BCORL1: variants seen among roughly 807,000 people sequenced by gnomAD.
BCORL1 encodes the protein BCL-6 corepressor-like protein 1.
Under a neutral mutation model 87.6 loss-of-function variants are expected in BCORL1, and 7 were observed. The ratio of observed to expected loss-of-function variants is 0.08; its 90% CI spans 0.05 to 0.15. The LOEUF (loss-of-function observed/expected upper bound fraction) is 0.15, where lower values mean the gene tolerates loss of function less well. Among genes scored for constraint, BCORL1 ranks in the 10% least tolerant of loss-of-function variants. BCORL1 has a pLI of 1.00. For synonymous variants in BCORL1, 591 were observed against 634.4 expected (o/e 0.93, Z 1.03); for missense variants, 1,215 against 1,499.7 (o/e 0.81, Z 3.13).
At chrX:130,011,775 G>A (rs957592554) in intron 2 of BCORL1, among the ~76,000 whole-genome samples, 7 of 110,372 alleles carry the variant, frequency 6.3e-5, no homozygotes, top group Non-Finnish European at 1.3e-4. Context: ...GAGGCTTTTC[G>A]GACAGGAGAG....
chrX:130,039,226 C>T lies in BCORL1; in HGVS notation c.4784C>T (p.Ser1595Leu). Residue 1595 changes from serine to leucine, a missense_variant, in exon 11 of 14, where the codon TCG (serine) becomes TTG (leucine). Physicochemically the swap from Ser to Leu is moderately radical, Grantham distance 145 (BLOSUM62 -2). Transcript: ENST00000540052. ...YGADPTLATY[S>L]GQTAMKLASS... ...GCCGATCCCACACTGGCTACCTACT[C>T]GGGTCAGACAGCCATGAAGCTGGCC... 8.3e-7 allele frequency: 1 copy of T among 1,211,355 alleles called. No individual in the cohort carries two copies. The highest frequency in any genetic ancestry group is 1.1e-6 in the Non-Finnish European group (1 of 895,467).
chrX:129,993,102 A>G (rs1927311057), intron 1 of BCORL1, among the ~76,000 whole-genome samples: 1 of 111,893 alleles, frequency 8.9e-6, no homozygotes, highest in African/African-American at 3.2e-5. Context: ...GGAAATTAGA[A>G]GTACTCAAAA....
intron 3 of BCORL1, 131 bp downstream of exon 3, chrX:130,012,799 T>C (rs1929066758): frequency 9.9e-7 from 1 of 1,009,702 alleles, no homozygotes; most frequent in Admixed American, 2.7e-5. Context: ...TTGGTATTGG[T>C]GGGACACAAA....
intron 13 of BCORL1, among the ~76,000 whole-genome samples, chrX:130,055,246 G>A (rs1158378078): frequency 8.9e-6 from 1 of 112,886 alleles, no homozygotes; most frequent in Non-Finnish European, 1.9e-5. Flanking sequence ...TCTGTAATGT[G>A]AGCTCTGGCC....
At chrX:130,001,000 A>T (rs1291622383) in intron 1 of BCORL1, among the ~76,000 whole-genome samples, 2 of 110,806 alleles carry the variant, frequency 1.8e-5, no homozygotes, top group Non-Finnish European at 3.8e-5. Flanking sequence ...TCCAGAATTC[A>T]GTTCCATATA....
intron 4 of BCORL1, among the ~76,000 whole-genome samples, chrX:130,020,065 G>A (rs754822544): frequency 8.9e-6 from 1 of 112,455 alleles, no homozygotes; most frequent in South Asian, 3.6e-4. Flanking sequence ...AAGATAGGTA[G>A]CGAGAGCTGA....
intron 11 of BCORL1, among the ~76,000 whole-genome samples, chrX:130,049,013 T>C (rs978355188): frequency 8.0e-5 from 9 of 112,645 alleles, no homozygotes; most frequent in Admixed American, 4.7e-4. Flanking sequence ...TGTATGGATA[T>C]ACCACATTTT....
chrX:130,051,029 A>G (rs967951715), intron 12 of BCORL1, among the ~76,000 whole-genome samples: 5 of 111,424 alleles, frequency 4.5e-5, no homozygotes, highest in Non-Finnish European at 9.4e-5. Context: ...TGGGCATTTA[A>G]AAAATTCTCT....
rs771399505 is a variant in BCORL1, at chrX:130,015,773, C to A, written c.3001C>A (p.Gln1001Lys). 13 of 1,210,307 alleles carry A rather than the reference C, an allele frequency of 1.1e-5. No homozygotes were observed. The South Asian group carries it at 1.8e-4, about 16-fold the overall frequency. The change falls in exon 4 of 14, where the codon CAG becomes AAG. Residue 1001 changes from glutamine to lysine, a missense_variant. Gln to Lys is a moderately conservative substitution (Grantham distance 53, BLOSUM62 1). This residue lies in a region of BCORL1 where 861 missense variants were observed against 1,010.0 expected (regional missense o/e 0.85). Transcript: ENST00000540052. ...MSHELVLATP[Q>K]NLPKMPELPL... is the part of the protein sequence containing the mutation. Reference sequence around the variant, plus strand: ...CCATGAGCTGGTCCTGGCCACCCCCCAGAACCTGCCTAAGATGCCTGAGCT... The same window carrying A: ...CCATGAGCTGGTCCTGGCCACCCCCAAGAACCTGCCTAAGATGCCTGAGCT...
intron 2 of BCORL1, among the ~76,000 whole-genome samples, chrX:130,008,666 G>C (rs1928712084): frequency 8.9e-6 from 1 of 111,970 alleles, no homozygotes; most frequent in East Asian, 2.8e-4. Flanking sequence ...GCTATCACTG[G>C]TTTCCAAAAT....
Position 130,007,054 on chromosome X carries a change from G to A in BCORL1, c.86+1737G>A, listed in dbSNP as rs778342510. Reference sequence around the variant, plus strand: ...GGGTAAATCTTAGAAATGTGTGTGCGCATATAGGGGAGTATTGGTAATTTG... The same window carrying A: ...GGGTAAATCTTAGAAATGTGTGTGCACATATAGGGGAGTATTGGTAATTTG... On this transcript the variant is annotated intron_variant, in intron 2 of 13. Transcript: ENST00000540052. Among the ~76,000 whole-genome samples the A allele has an allele frequency of 6.5e-4, 73 of 111,922 alleles. 1 individual carries two copies. The highest frequency in any genetic ancestry group is 1.2e-3 in the Non-Finnish European group (63 of 53,228).
chrX:130,039,373 T>C, intron 11 of BCORL1, 91 bp downstream of exon 11: 1 of 1,064,198 alleles, frequency 9.4e-7, no homozygotes, highest in Non-Finnish European at 1.3e-6. Context: ...TCCTTCCACC[T>C]TGAACAGCTC....
intron 8 of BCORL1, among the ~76,000 whole-genome samples, chrX:130,033,935 T>A (rs1458792221): frequency 9.1e-5 from 10 of 109,564 alleles, no homozygotes; most frequent in African/African-American, 3.3e-4. Flanking sequence ...TGAGCAGAGA[T>A]CACACCACTG....
upstream of BCORL1, chrX:129,981,178 GAC>G (rs1190471526): frequency 9.0e-6 from 1 of 111,584 alleles, no homozygotes; most frequent in East Asian, 2.8e-4. Flanking sequence ...AGCGAGGAAA[GAC>G]ACAGTCTGCG....
chrX:130,011,540 C>T (rs1415450262), intron 2 of BCORL1, among the ~76,000 whole-genome samples: 3 of 48,437 alleles, frequency 6.2e-5, no homozygotes, highest in African/African-American at 5.1e-4. Context: ...CCATGCCTGG[C>T]CTAATAGTTC....
At chrX:130,007,771 C>T (rs780449536) in intron 2 of BCORL1, among the ~76,000 whole-genome samples, 96 of 111,676 alleles carry the variant, frequency 8.6e-4, no homozygotes, top group African/African-American at 2.8e-3. Flanking sequence ...GCACTCCAAC[C>T]GGGGTGACAG....
intron 1 of BCORL1, among the ~76,000 whole-genome samples, chrX:129,989,229 G>A (rs1314000322): frequency 4.6e-5 from 5 of 108,799 alleles, no homozygotes; most frequent in Non-Finnish European, 9.6e-5. Flanking sequence ...TCCGCTGCCC[G>A]GGTTCAAGCC....
At chrX:129,999,692 C>A (rs375551193) in intron 1 of BCORL1, among the ~76,000 whole-genome samples, 12 of 102,512 alleles carry the variant, frequency 1.2e-4, no homozygotes, top group South Asian at 9.5e-4. Flanking sequence ...TTTCCCCCCC[C>A]CCAGACAGAG....
intron 1 of BCORL1, among the ~76,000 whole-genome samples, chrX:129,991,471 G>A (rs1178255100): frequency 2.8e-5 from 3 of 108,365 alleles, no homozygotes; most frequent in Non-Finnish European, 5.7e-5. Flanking sequence ...AGCCTCCTGA[G>A]TAGCTGGGAC....
Sources: gnomAD v4.1 joint callset for allele counts (sites outside exome capture counted in the v4.1 genomes callset) on GRCh38, gnomAD v4.1.1 for gene constraint, gnomAD v4.1.1 regional missense constraint, MANE v1.5 for transcripts, NCBI Gene and HGNC (gene_info 2026-07-23, HGNC 2026-07-21) for gene names.